Variants in KHDRBS2 observed in about 807,000 individuals in gnomAD.
KHDRBS2 encodes the protein KH domain-containing, RNA-binding, signal transduction-associated protein 2.
KHDRBS2 carries 26 observed loss-of-function variants against 44.3 expected under a neutral mutation model. That is an observed-to-expected ratio of 0.59 (90% CI 0.43 to 0.81). KHDRBS2 has a LOEUF of 0.81. Among genes scored for constraint, KHDRBS2 ranks in the 40% least tolerant of loss-of-function variants. The pLI is 0.00. For synonymous variants in KHDRBS2, 194 were observed against 151.1 expected (o/e 1.28, Z -2.08); for missense variants, 476 against 433.1 (o/e 1.10, Z -0.88).
At chr6:62,071,905 G>T (rs1178237180) in intron 2 of KHDRBS2, among the ~76,000 whole-genome samples, 1 of 152,060 alleles carries the variant, frequency 6.6e-6, no homozygotes, top group African/African-American at 2.4e-5. Context: ...GATGGGGATG[G>T]CATTGAATCT....
intron 2 of KHDRBS2, among the ~76,000 whole-genome samples, chr6:62,065,209 G>T (rs912150237): frequency 1.3e-5 from 2 of 152,090 alleles, no homozygotes; most frequent in Non-Finnish European, 2.9e-5. Flanking sequence ...TTCAACCATT[G>T]TGGAAGTCAG....
intron 4 of KHDRBS2, among the ~76,000 whole-genome samples, chr6:61,957,144 T>C (rs1767552600): frequency 6.6e-6 from 1 of 152,176 alleles, no homozygotes; most frequent in African/African-American, 2.4e-5. Flanking sequence ...TCAATACCCT[T>C]GTGGTTTCCT....
At chr6:61,909,705 G>T (rs1311772020) in intron 4 of KHDRBS2, among the ~76,000 whole-genome samples, 1 of 152,142 alleles carries the variant, frequency 6.6e-6, no homozygotes, top group Admixed American at 6.5e-5. Flanking sequence ...CATATTTAAT[G>T]TATATGCATA....
chr6:62,077,467 T>A (rs71568786), intron 2 of KHDRBS2, among the ~76,000 whole-genome samples: 25 of 152,058 alleles, frequency 1.6e-4, no homozygotes, highest in Admixed American at 1.6e-3. Flanking sequence ...CATTCCTAGT[T>A]CCAGGGACCT....
chr6:61,607,520 CAAAA>C, the KHDRBS2 span, among the ~76,000 whole-genome samples: 7 of 41,108 alleles, frequency 1.7e-4, no homozygotes, highest in South Asian at 1.6e-3. Flanking sequence ...GAGTTCCAAG[CAAAA>C]AAAAAAAAAA....
chr6:61,747,751 C>G (rs941770261), intron 6 of KHDRBS2, among the ~76,000 whole-genome samples: 1 of 152,020 alleles, frequency 6.6e-6, no homozygotes, highest in Admixed American at 6.6e-5. Context: ...TAACAATGCC[C>G]TTGTAGTCAT....
intron 1 of KHDRBS2, among the ~76,000 whole-genome samples, chr6:62,237,120 A>C (rs1355823417): frequency 6.6e-6 from 1 of 152,158 alleles, no homozygotes; most frequent in East Asian, 1.9e-4. Context: ...ATTGCGTCAC[A>C]CGTGCTGTTT....
intron 6 of KHDRBS2, among the ~76,000 whole-genome samples, chr6:61,760,015 C>G (rs1937618632): frequency 6.6e-6 from 1 of 151,942 alleles, no homozygotes. Context: ...TGCTTACTCA[C>G]AAAATAATAT....
At chr6:61,612,382 G>A in the KHDRBS2 span, among the ~76,000 whole-genome samples, 1 of 152,116 alleles carries the variant, frequency 6.6e-6, no homozygotes, top group Non-Finnish European at 1.5e-5. Flanking sequence ...AAGGGAAAGT[G>A]GTTTGTTAGA....
intron 1 of KHDRBS2, among the ~76,000 whole-genome samples, chr6:62,237,575 T>A (rs1833899578): frequency 6.6e-6 from 1 of 152,092 alleles, no homozygotes; most frequent in South Asian, 2.1e-4. Context: ...AGAAGATAGG[T>A]GTTTTGCCTA....
intron 1 of KHDRBS2, among the ~76,000 whole-genome samples, chr6:62,276,425 CA>C (rs1379272012): frequency 6.6e-6 from 1 of 152,140 alleles, no homozygotes; most frequent in African/African-American, 2.4e-5. Flanking sequence ...CAAATGTAAG[CA>C]GTTCTCTAAA....
the KHDRBS2 span, among the ~76,000 whole-genome samples, chr6:61,577,232 C>T: frequency 8.6e-5 from 13 of 150,742 alleles, no homozygotes; most frequent in Non-Finnish European, 1.5e-4. Context: ...AGTGTAGAGC[C>T]AGGATCACTA....
intron 3 of KHDRBS2, among the ~76,000 whole-genome samples, chr6:62,032,802 G>C (rs1784596069): frequency 6.6e-6 from 1 of 151,714 alleles, no homozygotes; most frequent in African/African-American, 2.4e-5. Flanking sequence ...TCAATGCCCA[G>C]ACACCAAAGA....
intron 4 of KHDRBS2, among the ~76,000 whole-genome samples, chr6:61,955,949 A>T (rs1321859010): frequency 6.6e-6 from 1 of 152,108 alleles, no homozygotes; most frequent in Non-Finnish European, 1.5e-5. Context: ...AAGGAGCAAG[A>T]ATTTGAATGC....
At chr6:62,119,364 GT>G (rs2150081250) in intron 2 of KHDRBS2, among the ~76,000 whole-genome samples, 1 of 152,248 alleles carries the variant, frequency 6.6e-6, no homozygotes, top group African/African-American at 2.4e-5. Flanking sequence ...GCTGGACAAA[GT>G]GATGGAAGAA....
At chr6:62,209,863 T>A (rs1261304473) in intron 1 of KHDRBS2, among the ~76,000 whole-genome samples, 2 of 152,276 alleles carry the variant, frequency 1.3e-5, no homozygotes, top group Admixed American at 1.3e-4. Context: ...ACTCTTGAAT[T>A]CACACCAGTG....
intron 6 of KHDRBS2, chr6:61,813,980 AGTAAAAAAAGCTTC>A (rs776710688): frequency 2.2e-6 from 1 of 445,328 alleles, no homozygotes; most frequent in South Asian, 1.6e-5. Context: ...CCTCCATGCC[AGTAAAAAAAGCTTC>A]GTCCTGGGTT....
At chr6:61,861,285 T>A (rs915564013) in intron 6 of KHDRBS2, among the ~76,000 whole-genome samples, 2 of 152,174 alleles carry the variant, frequency 1.3e-5, no homozygotes, top group Non-Finnish European at 2.9e-5. Flanking sequence ...ATGAAATCTT[T>A]GCCTGTGCCT....
At chr6:61,803,569 A>T (rs1388383796) in intron 6 of KHDRBS2, among the ~76,000 whole-genome samples, 6 of 152,124 alleles carry the variant, frequency 3.9e-5, no homozygotes, top group Non-Finnish European at 7.4e-5. Context: ...TGGGCAGTGT[A>T]TTGGTCCATT....
Sources: allele counts gnomAD v4.1 joint callset (sites outside exome capture counted in the v4.1 genomes callset), GRCh38; gene constraint gnomAD v4.1.1; transcripts MANE v1.5; gene names NCBI Gene and HGNC (gene_info 2026-07-23, HGNC 2026-07-21).